The following TRANK1 variants were observed in gnomAD, a reference collection of about 807,000 sequenced individuals.
TRANK1 encodes TPR and ankyrin repeat-containing protein 1.
In TRANK1, 198 loss-of-function variants were observed where a neutral mutation model predicts 266.0. The observed-to-expected ratio is 0.74, with a 90% CI of 0.66 to 0.84. TRANK1 has a LOEUF of 0.84. Ranked by LOEUF, TRANK1 falls within the 40% of genes least tolerant of loss-of-function variation. The pLI, the probability that TRANK1 is intolerant of heterozygous loss-of-function variation, is 0.00. For synonymous variants in TRANK1, 1,396 were observed against 1,384.1 expected (o/e 1.01, Z -0.19); for missense variants, 3,326 against 3,634.6 (o/e 0.92, Z 2.18).
chr3:36,870,525 T>C (rs1294808737), intron 9 of TRANK1, among the ~76,000 whole-genome samples: 1 of 152,224 alleles, frequency 6.6e-6, no homozygotes, highest in African/African-American at 2.4e-5. Context: ...ACAGATTTTT[T>C]TTTACTAGTT....
chr3:36,935,699 G>A (rs997023518), intron 1 of TRANK1, among the ~76,000 whole-genome samples: 1 of 152,046 alleles, frequency 6.6e-6, no homozygotes, highest in Non-Finnish European at 1.5e-5. Context: ...CGCCCATCTC[G>A]GCTTTCCAAA....
chr3:36,839,983 T>A (rs1359065745), intron 18 of TRANK1, among the ~76,000 whole-genome samples: 2 of 152,148 alleles, frequency 1.3e-5, no homozygotes, highest in Non-Finnish European at 2.9e-5. Context: ...TAAAGTCAGG[T>A]GAAGAGAAGG....
chr3:36,834,289 C>G (rs980104060), intron 21 of TRANK1: 13 of 207,964 alleles, frequency 6.3e-5, no homozygotes, highest in South Asian at 3.5e-4. Flanking sequence ...GCATCATAAT[C>G]ATCTGGGTCT....
At chr3:36,844,199 G>A (rs918826638) in intron 17 of TRANK1, among the ~76,000 whole-genome samples, 16 of 152,064 alleles carry the variant, frequency 1.1e-4, no homozygotes, top group African/African-American at 3.9e-4. Flanking sequence ...TAGCTTCTAT[G>A]ATCTTTGGTT....
At chr3:36,854,098 C>A (rs1375672162) in intron 13 of TRANK1, among the ~76,000 whole-genome samples, 1 of 152,194 alleles carries the variant, frequency 6.6e-6, no homozygotes, top group Non-Finnish European at 1.5e-5. Flanking sequence ...CGAGGGCTCA[C>A]GCCTGTAATC....
chr3:36,863,521 A>G (rs1036057695), intron 10 of TRANK1, among the ~76,000 whole-genome samples: 4 of 152,218 alleles, frequency 2.6e-5, no homozygotes, highest in Non-Finnish European at 1.5e-5. Context: ...TACCTAAGAA[A>G]GAAAGGCTGA....
At chr3:36,889,380 G>A (rs2079654515) in intron 8 of TRANK1, among the ~76,000 whole-genome samples, 1 of 152,190 alleles carries the variant, frequency 6.6e-6, no homozygotes, top group African/African-American at 2.4e-5. Flanking sequence ...TCGCTCATGT[G>A]CCTAGTCTGG....
rs750414597 is a variant in TRANK1, at chr3:36,831,512, G to A, written c.8071C>T (p.Gln2691Ter). ...YFAEPECEFGQDEMDELALED... is the reference protein window; with the variant it reads ...YFAEPECEFG ...AATGCCAGTTCATCCATCTCATCCT[G>A]GCCAAACTCACACTCAGGTTCAGCA... Residue 2691 changes from glutamine (Q) to a stop codon, truncating the protein, a stop_gained, in exon 22 of 24, where the codon CAG (glutamine) becomes TAG (stop). Coordinates refer to ENST00000645898, the MANE Select transcript of TRANK1 (RefSeq NM_001329998.2). LOFTEE classifies it high-confidence loss of function. The surrounding 1 kb of genome is among the most constrained non-coding windows in gnomAD (Gnocchi z 5.0). The A allele has an allele frequency of 3.1e-6, 5 of 1,613,228 alleles. No homozygotes were observed. Among genetic ancestry groups the A allele is most frequent in the African/African-American group, 1.3e-5 (1 of 75,002 alleles).
intron 15 of TRANK1, chr3:36,851,261 C>G (rs1410328452): frequency 4.1e-6 from 4 of 986,754 alleles, no homozygotes; most frequent in Non-Finnish European, 4.8e-6. Flanking sequence ...CCCACATTAC[C>G]TGATCCAGAG....
At chr3:36,912,011 A>AC (rs1158090973) in intron 1 of TRANK1, among the ~76,000 whole-genome samples, 1 of 151,954 alleles carries the variant, frequency 6.6e-6, no homozygotes, top group African/African-American at 2.4e-5. Flanking sequence ...ACATGGTGAA[A>AC]CCCCCATCTC....
At chr3:36,852,787 A>AAAAAAAAAAAAC (rs2079002729) in intron 13 of TRANK1, among the ~76,000 whole-genome samples, 1 of 149,668 alleles carries the variant, frequency 6.7e-6, no homozygotes, top group African/African-American at 2.4e-5. Flanking sequence ...AAAAAAAAAA[A>AAAAAAAAAAAAC]AAAAAAAAAA....
Position 36,889,859 on chromosome 3 carries a change from C to A in TRANK1, c.877G>T (p.Ala293Ser). The A allele has an allele frequency of 1.3e-6, 2 of 1,537,024 alleles. No individual in the cohort carries two copies. Among genetic ancestry groups the A allele is most frequent in the South Asian group, 1.2e-5 (1 of 84,048 alleles). Residue 293 changes from alanine (A) to serine (S), a missense_variant, in exon 8 of 24, where the codon GCT becomes TCT. Ala to Ser is a moderately conservative substitution (Grantham distance 99). Coordinates refer to ENST00000645898, the MANE Select transcript of TRANK1 (RefSeq NM_001329998.2). ...ACGAGGTATCCTGGGGAGTGGGCAG[C>A]GACGACGTGCAGGACAGTGCAGCCA... ...GDGCTVLHVVAAHSPGYLVKR... is the reference protein window; with the variant it reads ...GDGCTVLHVVSAHSPGYLVKR...
At chr3:36,942,366 G>A (rs781113129) in intron 1 of TRANK1, among the ~76,000 whole-genome samples, 22 of 151,420 alleles carry the variant, frequency 1.5e-4, no homozygotes, top group African/African-American at 3.6e-4. Context: ...TAAAATGATC[G>A]TGGTCCAGCT....
At chr3:36,900,124 G>A (rs1042029099) in intron 3 of TRANK1, among the ~76,000 whole-genome samples, 3 of 152,198 alleles carry the variant, frequency 2.0e-5, no homozygotes, top group Non-Finnish European at 2.9e-5. Context: ...CTCCCAAACT[G>A]CTGGGATTAT....
At position 36,879,892 on chromosome 3, in the gene TRANK1, G is replaced by GTAAATATA. The variant is rs1559449240; in HGVS notation, c.908-5597_908-5596insTATATTTA. The stretch of plus-strand genomic sequence containing the variant: ...TAAACATACAAATATATGTAAACAT[G>GTAAATATA]CAAATATATGTAAACATGCAAATAT... On this transcript the variant is annotated intron_variant, in intron 8 of 23. Coordinates refer to ENST00000645898, the MANE Select transcript of TRANK1 (RefSeq NM_001329998.2). Among the ~76,000 whole-genome samples the GTAAATATA allele has an allele frequency of 1.9e-3, 66 of 34,040 alleles. 7 individuals carry two copies. Among genetic ancestry groups the GTAAATATA allele is most frequent in the East Asian group, 0.015 (9 of 618 alleles). 22.3% of individuals were successfully genotyped at this position (34,040 alleles called of 152,430 possible).
At chr3:36,836,211 C>T (rs532509243) in intron 20 of TRANK1, among the ~76,000 whole-genome samples, 2 of 152,350 alleles carry the variant, frequency 1.3e-5, no homozygotes, top group South Asian at 4.1e-4. Flanking sequence ...GAAGCATGTG[C>T]ATACCCTAGG....
At chr3:36,932,769 T>C (rs925592871) in intron 1 of TRANK1, among the ~76,000 whole-genome samples, 19 of 152,304 alleles carry the variant, frequency 1.2e-4, no homozygotes, top group Non-Finnish European at 2.5e-4. Context: ...CAGTGATCTT[T>C]GGGGAGCAGA....
intron 20 of TRANK1, among the ~76,000 whole-genome samples, chr3:36,836,730 C>T (rs1462195040): frequency 6.6e-6 from 1 of 152,232 alleles, no homozygotes; most frequent in Non-Finnish European, 1.5e-5. Context: ...AGTTCACCAG[C>T]TAATCCTGTC....
chr3:36,866,052 AAAAGAAAGAAAGAAAGAAAGAAAG>A (rs56714482), intron 9 of TRANK1, among the ~76,000 whole-genome samples: 1,529 of 127,872 alleles, frequency 0.012, 25 homozygotes, highest in African/African-American at 0.039. Context: ...GACAGAAAGA[AAAAGAAAGAAAGAAAGAAAGAAAG>A]AAAGAAAGAA....
Sources: allele counts gnomAD v4.1 joint callset (sites outside exome capture counted in the v4.1 genomes callset), GRCh38; gene constraint gnomAD v4.1.1; non-coding constraint Gnocchi (gnomAD v3.1); transcripts MANE v1.5; gene names NCBI Gene and HGNC (gene_info 2026-07-23, HGNC 2026-07-21).